Variants in DNAH11 observed in about 807,000 individuals in gnomAD.
DNAH11 encodes dynein axonemal heavy chain 11, also known as axonemal beta dynein heavy chain 11.
A neutral mutation model predicts 526.0 loss-of-function variants in DNAH11; 442 were observed. That is an observed-to-expected ratio of 0.84 (90% CI 0.78 to 0.91). The LOEUF (loss-of-function observed/expected upper bound fraction) is 0.91. Ranked by LOEUF, DNAH11 falls within the 40% of genes least tolerant of loss-of-function variation. The probability of loss-of-function intolerance (pLI) is 0.00; values close to 1 mark genes in which losing one functional copy is unlikely to be tolerated. For missense variants in DNAH11, 6,989 were observed against 5,448.7 expected (o/e 1.28, Z -8.90); for synonymous variants, 2,461 against 1,935.9 (o/e 1.27, Z -7.12).
At position 21,807,872 on chromosome 7, in the gene DNAH11, C is replaced by T. The variant is rs1352323027; in HGVS notation, c.10166-11C>T. 9 of 1,581,376 alleles carry T rather than the reference C, an allele frequency of 5.7e-6. No individual in the cohort carries two copies. In the East Asian group the frequency reaches 2.0e-4, roughly 36 times the overall value. ...TGCAATTACAGCTGAGTAATTTCAT[C>T]TTTCAGTCAGAGAAGATTCGCTGGG... On this transcript the variant is annotated splice_polypyrimidine_tract_variant and intron_variant, in intron 62 of 81. Transcript: ENST00000409508.
At chr7:21,832,987 T>C (rs1180795607) in intron 65 of DNAH11, among the ~76,000 whole-genome samples, 53 of 152,192 alleles carry the variant, frequency 3.5e-4, no homozygotes, top group Admixed American at 3.3e-3. Flanking sequence ...CTCATGCATA[T>C]GTGAATACAC....
chr7:21,786,841 T>C (rs1379429477), intron 59 of DNAH11, 74 bp downstream of exon 59: 11 of 1,556,624 alleles, frequency 7.1e-6, no homozygotes, highest in African/African-American at 2.7e-5. Context: ...TTATGCTTAA[T>C]AGCAAAAGAT....
At chr7:21,681,481 A>G (rs1360392367) in intron 30 of DNAH11, 65 bp from the exon 31 acceptor site, 1 of 1,520,090 alleles carries the variant, frequency 6.6e-7, no homozygotes, top group Middle Eastern at 1.7e-4. Flanking sequence ...AATACGAAGA[A>G]TTTGGGGCTC....
chr7:21,772,581 T>C (rs1787485944), intron 55 of DNAH11, among the ~76,000 whole-genome samples: 1 of 152,178 alleles, frequency 6.6e-6, no homozygotes, highest in Admixed American at 6.6e-5. Flanking sequence ...ATTTTATTTT[T>C]CTGAGTTCAC....
intron 34 of DNAH11, among the ~76,000 whole-genome samples, chr7:21,687,962 T>C (rs1783453199): frequency 6.6e-6 from 1 of 152,138 alleles, no homozygotes; most frequent in South Asian, 2.1e-4. Context: ...TTTTTGAGGC[T>C]GAGGCAAGAG....
chr7:21,852,429 T>C, intron 66 of DNAH11, 38 bp from the exon 67 acceptor site: 1 of 1,514,144 alleles, frequency 6.6e-7, no homozygotes, highest in Non-Finnish European at 9.0e-7. Context: ...AAAAAGTACT[T>C]AACCACCATT....
At chr7:21,896,628 G>A (rs372713098) in intron 79 of DNAH11, among the ~76,000 whole-genome samples, 16 of 152,070 alleles carry the variant, frequency 1.1e-4, no homozygotes, top group Admixed American at 9.2e-4. Flanking sequence ...TCTGAATATC[G>A]TATTCTCCTC....
At chr7:21,754,768 G>A (rs1047441247) in intron 54 of DNAH11, among the ~76,000 whole-genome samples, 1 of 152,144 alleles carries the variant, frequency 6.6e-6, no homozygotes, top group Non-Finnish European at 1.5e-5. Flanking sequence ...CCCTGTGGAA[G>A]GCTAATGGTC....
At chr7:21,649,828 G>A (rs1323495654) in intron 28 of DNAH11, among the ~76,000 whole-genome samples, 1 of 152,030 alleles carries the variant, frequency 6.6e-6, no homozygotes, top group African/African-American at 2.4e-5. Context: ...ACCGTGGCCA[G>A]CTAATTTTTG....
intron 14 of DNAH11, among the ~76,000 whole-genome samples, chr7:21,598,306 C>G (rs914573725): frequency 6.6e-6 from 1 of 152,142 alleles, no homozygotes; most frequent in Non-Finnish European, 1.5e-5. Context: ...GCCACTCAGC[C>G]TCTCTAGAAT....
At chr7:21,826,183 AG>A (rs1219874660) in intron 65 of DNAH11, among the ~76,000 whole-genome samples, 1 of 152,074 alleles carries the variant, frequency 6.6e-6, no homozygotes, top group Non-Finnish European at 1.5e-5. Context: ...TTTCTTAAAA[AG>A]CATTTTGAAT....
At chr7:21,873,586 C>A in intron 74 of DNAH11, 85 bp downstream of exon 74, 1 of 1,324,914 alleles carries the variant, frequency 7.5e-7, no homozygotes, top group Non-Finnish European at 1.1e-6. Context: ...CCAGGCATGT[C>A]ATTGAGAGGG....
At chr7:21,805,423 A>T (rs1225925420) in intron 62 of DNAH11, among the ~76,000 whole-genome samples, 2 of 152,118 alleles carry the variant, frequency 1.3e-5, no homozygotes, top group African/African-American at 4.8e-5. Context: ...TATTTGCTGA[A>T]TGAATGAGTT....
chr7:21,645,537 AAAG>A (rs1787316268), intron 28 of DNAH11, among the ~76,000 whole-genome samples: 1 of 152,116 alleles, frequency 6.6e-6, no homozygotes, highest in Non-Finnish European at 1.5e-5. Flanking sequence ...GTGGAACTTG[AAAG>A]AAGGAGAGAA....
chr7:21,644,978 A>T (rs991696034), intron 28 of DNAH11, among the ~76,000 whole-genome samples: 2 of 152,086 alleles, frequency 1.3e-5, no homozygotes, highest in Non-Finnish European at 2.9e-5. Context: ...AATATGCACA[A>T]TTTTTTCTTC....
intron 45 of DNAH11, among the ~76,000 whole-genome samples, chr7:21,728,685 T>A (rs1785248148): frequency 6.6e-6 from 1 of 152,246 alleles, no homozygotes. Context: ...CAATTCATCC[T>A]GAGGCAAAAT....
intron 55 of DNAH11, among the ~76,000 whole-genome samples, chr7:21,772,334 T>TG (rs1369396447): frequency 6.8e-6 from 1 of 146,970 alleles, no homozygotes; most frequent in Middle Eastern, 3.2e-3. Context: ...GCCAGAGTGT[T>TG]TTTTTTTTTT....
intron 28 of DNAH11, among the ~76,000 whole-genome samples, chr7:21,646,684 A>G (rs1787368311): frequency 6.6e-6 from 1 of 152,188 alleles, no homozygotes; most frequent in African/African-American, 2.4e-5. Context: ...TGCTTCTACC[A>G]ACTAGACTTG....
chr7:21,640,746 A>T (rs1787091780), intron 28 of DNAH11, among the ~76,000 whole-genome samples: 1 of 152,014 alleles, frequency 6.6e-6, no homozygotes, highest in Admixed American at 6.6e-5. Flanking sequence ...AAGAAACCAA[A>T]AGCAACTCAG....
Sources: allele counts gnomAD v4.1 joint callset (sites outside exome capture counted in the v4.1 genomes callset), GRCh38; gene constraint gnomAD v4.1.1; transcripts MANE v1.5; gene names NCBI Gene and HGNC (gene_info 2026-07-23, HGNC 2026-07-21).